ROS1: variants seen among roughly 807,000 people sequenced by gnomAD.
ROS1 encodes the protein ROS proto-oncogene 1, receptor tyrosine kinase, also known as proto-oncogene tyrosine-protein kinase ROS.
Under a neutral mutation model 273.5 loss-of-function variants are expected in ROS1, and 263 were observed. The ratio of observed to expected loss-of-function variants is 0.96; its 90% CI spans 0.87 to 1.06. The LOEUF (loss-of-function observed/expected upper bound fraction) is 1.06. Among genes scored for constraint, ROS1 ranks in the 50% least tolerant of loss-of-function variants. The probability of loss-of-function intolerance (pLI) is 0.00; values close to 1 mark genes in which losing one functional copy is unlikely to be tolerated. For synonymous variants in ROS1, 1,008 were observed against 954.1 expected, an observed-to-expected ratio of 1.06 and a Z score of -1.04; for missense variants, 2,833 against 2,751.1, an observed-to-expected ratio of 1.03 and a Z score of -0.67.
intron 21 of ROS1, 106 bp downstream of exon 21, chr6:117,364,954 C>T (rs1780086219): frequency 7.3e-6 from 8 of 1,098,816 alleles, no homozygotes; most frequent in African/African-American, 1.6e-5. Context: ...AATCTAAACA[C>T]ATCTATAAAA....
In ROS1 at chr6:117,412,605, CAGATAGATAGAT is replaced by C. The variant is rs3836982; in HGVS notation, c.255+1902_255+1913del. ...ATAGATAGGTACATAGATAGATAGA[CAGATAGATAGAT>C]AGATAGATAGATAGATATACACATA... On this transcript the variant is annotated intron_variant, in intron 4 of 43. Transcript: ENST00000368507. Among the ~76,000 whole-genome samples, 38 of 151,262 alleles carry C rather than the reference CAGATAGATAGAT, an allele frequency of 2.5e-4. 1 individual carries two copies. The highest frequency in any genetic ancestry group is 2.3e-3 in the South Asian group (11 of 4,778).
intron 7 of ROS1, 37 bp from the exon 8 acceptor site, chr6:117,397,153 T>C (rs1320309614): frequency 7.5e-7 from 1 of 1,326,238 alleles, no homozygotes; most frequent in Non-Finnish European, 1.1e-6. Context: ...AGCAGAAAAA[T>C]GTGCAAGCAT....
At chr6:117,391,190 A>G (rs1773036261) in intron 12 of ROS1, among the ~76,000 whole-genome samples, 1 of 152,218 alleles carries the variant, frequency 6.6e-6, no homozygotes, top group South Asian at 2.1e-4. Flanking sequence ...ATTTTGAGAT[A>G]TGTAGCTATG....
At position 117,404,395 on chromosome 6, in the gene ROS1, G is replaced by A. The variant is rs781268704; in HGVS notation, c.350C>T (p.Ser117Phe). 1.9e-6 allele frequency: 3 copies of A among 1,613,974 alleles called. No homozygotes were observed. Among genetic ancestry groups the A allele is most frequent in the Non-Finnish European group, 2.5e-6 (3 of 1,179,960 alleles). Reference sequence around the variant, plus strand: ...TGTCATATTGTGGCTTCCAATGGAAGAAGCAAAGGGAGCAGTTGGTAGGTC... The same window carrying A: ...TGTCATATTGTGGCTTCCAATGGAAAAAGCAAAGGGAGCAGTTGGTAGGTC... ...NADLPTAPFA[S>F]SIGSHNMTLR... Residue 117 changes from serine to phenylalanine, a missense_variant, in exon 6 of 44, where the codon TCT becomes TTT. Physicochemically the swap from Ser to Phe is radical, Grantham distance 155. Transcript: ENST00000368507.
intron 24 of ROS1, 85 bp from the exon 25 acceptor site, chr6:117,358,094 GT>G: frequency 1.2e-6 from 1 of 839,122 alleles, no homozygotes; most frequent in Admixed American, 2.3e-5. Flanking sequence ...CATATCATTT[GT>G]TTACTGCACT....
chr6:117,408,746 T>C (rs1464217326), intron 5 of ROS1, among the ~76,000 whole-genome samples: 1 of 152,162 alleles, frequency 6.6e-6, no homozygotes, highest in East Asian at 1.9e-4. Flanking sequence ...ATCATGCTGC[T>C]ATAAAGACAC....
chr6:117,381,822 A>T (rs1772174994), intron 17 of ROS1, among the ~76,000 whole-genome samples: 1 of 152,166 alleles, frequency 6.6e-6, no homozygotes, highest in African/African-American at 2.4e-5. Flanking sequence ...AAATCTCTGC[A>T]CTGTTTTCCA....
chr6:117,388,760 T>C (rs781020235), intron 13 of ROS1, among the ~76,000 whole-genome samples: 56 of 152,222 alleles, frequency 3.7e-4, no homozygotes, highest in Non-Finnish European at 7.2e-4. Context: ...TTCTAAGTGC[T>C]CTACTAATGT....
chr6:117,335,676 G>A (rs1390908790), intron 32 of ROS1, among the ~76,000 whole-genome samples: 3 of 152,170 alleles, frequency 2.0e-5, no homozygotes, highest in Admixed American at 1.3e-4. Context: ...ATGAGATCAT[G>A]TCCTTTGCAG....
At position 117,362,658 on chromosome 6, in the gene ROS1, G is replaced by A. The variant is rs2229079; in HGVS notation, c.3311C>T (p.Ser1104Leu). The change falls in exon 22 of 44, where the codon TCA becomes TTA. Residue 1104 changes from serine to leucine, a missense_variant. By Grantham distance (145) the Ser-to-Leu change is moderately radical (BLOSUM62 -2). Coordinates refer to ENST00000368507, the MANE Select transcript of ROS1 (RefSeq NM_001378902.1). ...EDWIAVNVTP[S>L]VMSFQLEGMS... ...GCCTTCAAGTTGAAAAGACATCACT[G>A]AGGGAGTGACATTGACAGCAATCCA... is the stretch of plus-strand genomic sequence containing the variant. The A allele has an allele frequency of 0.085, 137,120 of 1,612,582 alleles. 6,394 individuals are homozygous for A. The highest frequency in any genetic ancestry group is 0.093 in the Non-Finnish European group (109,263 of 1,178,804).
At chr6:117,425,494 C>G in intron 1 of ROS1, 40 bp downstream of exon 1, 1 of 1,548,248 alleles carries the variant, frequency 6.5e-7, no homozygotes, top group Non-Finnish European at 8.7e-7. Flanking sequence ...GCTACATGTT[C>G]TAGTTCCTGC....
chr6:117,304,293 C>T (rs1774944307), intron 42 of ROS1, among the ~76,000 whole-genome samples: 1 of 152,148 alleles, frequency 6.6e-6, no homozygotes, highest in Admixed American at 6.5e-5. Context: ...TGTCAGATCA[C>T]AGAATTTAAA....
Position 117,376,582 on chromosome 6 carries a change from G to C in ROS1, c.2582+2477C>G, listed in dbSNP as rs189553968. ...AACTTAAAAATGTATAAGATACAAA[G>C]TCATATACAAAAAGCAATTGTATTT... On this transcript the variant is annotated intron_variant, in intron 18 of 43. Transcript: ENST00000368507. Among the ~76,000 whole-genome samples the C allele has an allele frequency of 9.5e-4, 145 of 151,998 alleles. 1 individual carries two copies. Among genetic ancestry groups the C allele is most frequent in the African/African-American group, 3.4e-3 (139 of 41,478 alleles).
intron 18 of ROS1, among the ~76,000 whole-genome samples, chr6:117,374,955 C>T (rs1781188601): frequency 6.6e-6 from 1 of 152,146 alleles, no homozygotes; most frequent in East Asian, 1.9e-4. Context: ...ATTGGGTATC[C>T]ACCCAAGGAA....
At chr6:117,417,192 CA>C (rs1790160086) in intron 2 of ROS1, among the ~76,000 whole-genome samples, 1 of 152,138 alleles carries the variant, frequency 6.6e-6, no homozygotes, top group Admixed American at 6.6e-5. Context: ...TTCCTACAAG[CA>C]CTTCAGATCC....
At chr6:117,296,949 T>C (rs946496184) in intron 43 of ROS1, among the ~76,000 whole-genome samples, 4 of 151,984 alleles carry the variant, frequency 2.6e-5, no homozygotes, top group Non-Finnish European at 1.5e-5. Context: ...CCCACAAAAA[T>C]TAAAAATAAA....
intron 3 of ROS1, among the ~76,000 whole-genome samples, chr6:117,415,043 C>T (rs1053404224): frequency 3.3e-5 from 5 of 152,216 alleles, no homozygotes; most frequent in African/African-American, 1.2e-4. Flanking sequence ...ATATGCCCTG[C>T]ACTGTATTCA....
chr6:117,294,989 C>T (rs781450230), intron 43 of ROS1, among the ~76,000 whole-genome samples: 19 of 152,236 alleles, frequency 1.2e-4, no homozygotes, highest in African/African-American at 2.6e-4. Context: ...ACAAAAGACT[C>T]GGAATAGCCA....
intron 39 of ROS1, among the ~76,000 whole-genome samples, chr6:117,315,873 A>T (rs1775884126): frequency 2.0e-5 from 3 of 152,086 alleles, no homozygotes. Context: ...ATTAAGTACT[A>T]GATTGTCTGA....
Sources: allele counts gnomAD v4.1 joint callset (sites outside exome capture counted in the v4.1 genomes callset), GRCh38; gene constraint gnomAD v4.1.1; transcripts MANE v1.5; gene names NCBI Gene and HGNC (gene_info 2026-07-23, HGNC 2026-07-21).